SNX29: variants seen among roughly 807,000 people sequenced by gnomAD.
SNX29 encodes the protein sorting nexin-29.
SNX29 carries 78 observed loss-of-function variants against 102.1 expected under a neutral mutation model. The observed-to-expected ratio is 0.76, with a 90% CI of 0.64 to 0.92. The LOEUF (loss-of-function observed/expected upper bound fraction) is 0.92, where lower values mean the gene tolerates loss of function less well. Ranked by LOEUF, SNX29 falls within the 40% of genes least tolerant of loss-of-function variation. The pLI, the probability that SNX29 is intolerant of heterozygous loss-of-function variation, is 0.00. For synonymous variants in SNX29, 580 were observed against 414.5 expected, an observed-to-expected ratio of 1.40 and a Z score of -4.85; for missense variants, 1,280 against 1,061.7, an observed-to-expected ratio of 1.21 and a Z score of -2.86.
chr16:12,385,615 A>G (rs1424365578), intron 16 of SNX29, among the ~76,000 whole-genome samples: 4 of 152,046 alleles, frequency 2.6e-5, no homozygotes, highest in Non-Finnish European at 5.9e-5. Flanking sequence ...GGCTGTAGTT[A>G]CCTCCCACCC....
At chr16:12,476,422 A>ATATATATATATACATATG (rs2087642405) in intron 18 of SNX29, among the ~76,000 whole-genome samples, 3 of 81,878 alleles carry the variant, frequency 3.7e-5, no homozygotes, top group Non-Finnish European at 7.3e-5. Flanking sequence ...ACATATATAT[A>ATATATATATATACATATG]TATATATATA....
chr16:12,321,982 C>T (rs184242346), intron 15 of SNX29, among the ~76,000 whole-genome samples: 1 of 152,104 alleles, frequency 6.6e-6, no homozygotes, highest in Non-Finnish European at 1.5e-5. Flanking sequence ...TCGTGGTTCA[C>T]GTGATGGTGA....
At chr16:12,211,112 A>G (rs1378033535) in intron 14 of SNX29, among the ~76,000 whole-genome samples, 3 of 152,076 alleles carry the variant, frequency 2.0e-5, no homozygotes, top group Non-Finnish European at 4.4e-5. Flanking sequence ...AGGTTATTTG[A>G]TTTGTGCAGA....
intron 11 of SNX29, among the ~76,000 whole-genome samples, chr16:12,123,105 C>T (rs954156158): frequency 7.2e-5 from 11 of 152,200 alleles, no homozygotes; most frequent in African/African-American, 2.7e-4. Context: ...GGATTACAGG[C>T]ATGAGCCACC....
At position 12,446,831 on chromosome 16, in the gene SNX29, G is replaced by C. The variant is rs1055226709; in HGVS notation, c.2038-30888G>C. ...TGTTTTATTAACTGGATCCCAACGA[G>C]CTGCCTCATGTTCTTTATTTTCTAA... On this transcript the variant is annotated intron_variant, in intron 18 of 20. Transcript: ENST00000566228. 3.3e-5 allele frequency among the ~76,000 whole-genome samples: 5 copies of C among 152,002 alleles called. No homozygotes were observed. The South Asian group carries it at 8.3e-4, about 25-fold the overall frequency.
Position 12,342,996 on chromosome 16 carries a change from C to T in SNX29, c.1783-13167C>T, listed in dbSNP as rs1402112474. Among the ~76,000 whole-genome samples the T allele has an allele frequency of 3.9e-5, 6 of 152,320 alleles. No individual in the cohort carries two copies. The South Asian group carries it at 1.2e-3, about 32-fold the overall frequency. Reference sequence around the variant, plus strand: ...TGCTGTTGGGTGTGAGAAAGAGACTCTCAAAGGAAAACAACATTTTGATGC... The same window carrying T: ...TGCTGTTGGGTGTGAGAAAGAGACTTTCAAAGGAAAACAACATTTTGATGC... On this transcript the variant is annotated intron_variant, in intron 15 of 20. Transcript: ENST00000566228.
Position 11,976,765 on chromosome 16 carries a change from C to A in SNX29, c.-42C>A. On this transcript the variant is annotated 5_prime_UTR_variant, in exon 1 of 21. Coordinates refer to ENST00000566228, the MANE Select transcript of SNX29 (RefSeq NM_032167.5). ...AGCTCGGCAGCCGCAGAAGCGGCAG[C>A]GGCGGCGGCGCGGCGCAGGCACCGG... is the stretch of plus-strand genomic sequence containing the variant. 1 of 1,294,514 alleles carries A rather than the reference C, an allele frequency of 7.7e-7. No individual in the cohort carries two copies. The highest frequency in any genetic ancestry group is 9.9e-7 in the Non-Finnish European group (1 of 1,015,022). 80.2% of individuals were successfully genotyped at this position (1,294,514 alleles called of 1,614,324 possible).
intron 20 of SNX29, among the ~76,000 whole-genome samples, chr16:12,556,941 C>G (rs916248240): frequency 3.5e-3 from 61 of 17,468 alleles, no homozygotes; most frequent in African/African-American, 0.017. Flanking sequence ...CAGCCTCTGC[C>G]GCTCAGGCTC....
At chr16:12,034,609 C>T (rs1596650375) in intron 4 of SNX29, among the ~76,000 whole-genome samples, 1 of 152,212 alleles carries the variant, frequency 6.6e-6, no homozygotes, top group South Asian at 2.1e-4. Flanking sequence ...GGACTTGGGC[C>T]AGTGGCTATT....
intron 16 of SNX29, among the ~76,000 whole-genome samples, chr16:12,388,550 C>T (rs528556926): frequency 4.2e-4 from 64 of 152,302 alleles, no homozygotes; most frequent in African/African-American, 1.4e-3. Context: ...AAACATTTTC[C>T]GTAAATGCCC....
At chr16:11,981,037 G>T (rs150899129) in intron 1 of SNX29, among the ~76,000 whole-genome samples, 73 of 150,688 alleles carry the variant, frequency 4.8e-4, no homozygotes, top group Non-Finnish European at 8.7e-4. Flanking sequence ...GAGAAATCTC[G>T]TCTCACTGCA....
At chr16:12,541,458 G>A (rs1050581143) in intron 20 of SNX29, among the ~76,000 whole-genome samples, 21 of 152,286 alleles carry the variant, frequency 1.4e-4, no homozygotes, top group African/African-American at 4.1e-4. Flanking sequence ...CCCACGCTTA[G>A]TGCTTGATGG....
At position 12,571,341 on chromosome 16, in the gene SNX29, G is replaced by A. The variant is rs372968012; in HGVS notation, c.*2712G>A. ...CCTGTCAGCCTGGATTCAATTCTGAGGGCTAAGCCACGACCTTATCCATGA... is the reference window on the plus strand; with the variant it reads ...CCTGTCAGCCTGGATTCAATTCTGAAGGCTAAGCCACGACCTTATCCATGA... On this transcript the variant is annotated 3_prime_UTR_variant, in exon 21 of 21. Transcript: ENST00000566228. 2.0e-4 allele frequency: 46 copies of A among 231,542 alleles called. No individual in the cohort carries two copies. The highest frequency in any genetic ancestry group is 7.9e-4 in the African/African-American group (36 of 45,324). The allele number at this position is 231,542 out of a possible 1,614,324, so 14.3% of individuals were successfully genotyped here.
chr16:12,100,292 A>G (rs1398220437), intron 11 of SNX29, among the ~76,000 whole-genome samples: 4 of 152,108 alleles, frequency 2.6e-5, no homozygotes, highest in Non-Finnish European at 5.9e-5. Flanking sequence ...GCATTGTAGG[A>G]AATTTTGCGG....
At chr16:12,539,411 C>A (rs150410183) in intron 20 of SNX29, among the ~76,000 whole-genome samples, 1 of 152,080 alleles carries the variant, frequency 6.6e-6, no homozygotes, top group South Asian at 2.1e-4. Flanking sequence ...ACCGTCAAGT[C>A]GTTGGGTGAG....
chr16:12,546,451 C>A (rs529159401), intron 20 of SNX29: 5 of 152,266 alleles, frequency 3.3e-5, no homozygotes, highest in Admixed American at 3.3e-4. Flanking sequence ...GAAACTCTTC[C>A]TTATGAAACC....
chr16:12,111,647 C>T (rs1366497729), intron 11 of SNX29, among the ~76,000 whole-genome samples: 1 of 152,172 alleles, frequency 6.6e-6, no homozygotes, highest in Non-Finnish European at 1.5e-5. Flanking sequence ...TGGGCATAGC[C>T]ACCCAGCAGA....
intron 18 of SNX29, among the ~76,000 whole-genome samples, chr16:12,459,829 G>A (rs543831779): frequency 1.2e-3 from 186 of 152,162 alleles, no homozygotes; most frequent in Non-Finnish European, 2.0e-3. Context: ...CCTTGTACCC[G>A]TCCAGTAATA....
chr16:12,406,517 T>G (rs2084172341), intron 18 of SNX29, among the ~76,000 whole-genome samples: 1 of 152,230 alleles, frequency 6.6e-6, no homozygotes, highest in Non-Finnish European at 1.5e-5. Context: ...CCAAGACATG[T>G]AGCTTTCTCA....
Sources: allele counts gnomAD v4.1 joint callset (sites outside exome capture counted in the v4.1 genomes callset), GRCh38; gene constraint gnomAD v4.1.1; transcripts MANE v1.5; gene names NCBI Gene and HGNC (gene_info 2026-07-23, HGNC 2026-07-21).